Variants in PTPRS observed in about 807,000 individuals in gnomAD.
PTPRS encodes protein tyrosine phosphatase receptor type S, also known as receptor-type tyrosine-protein phosphatase S.
Under a neutral mutation model 215.3 loss-of-function variants are expected in PTPRS, and 63 were observed. The ratio of observed to expected loss-of-function variants is 0.29; its 90% CI spans 0.24 to 0.36. The LOEUF (loss-of-function observed/expected upper bound fraction) is 0.36. Among genes scored for constraint, PTPRS ranks in the 10% least tolerant of loss-of-function variants. The pLI, the probability that PTPRS is intolerant of heterozygous loss-of-function variation, is 1.00. For missense variants in PTPRS, 2,258 were observed against 2,825.8 expected (o/e 0.80, Z 4.56); for synonymous variants, 1,404 against 1,191.4 (o/e 1.18, Z -3.68).
chr19:5,311,914 C>A (rs192962130), intron 1 of PTPRS, among the ~76,000 whole-genome samples: 2,060 of 152,178 alleles, frequency 0.014, 55 homozygotes, highest in African/African-American at 0.047. Flanking sequence ...GTGGCAGGCA[C>A]CTGTAGTCCC....
At chr19:5,291,241 C>G (rs2048791270) in intron 1 of PTPRS, among the ~76,000 whole-genome samples, 1 of 152,170 alleles carries the variant, frequency 6.6e-6, no homozygotes, top group Non-Finnish European at 1.5e-5. Context: ...TTAAAGTCCA[C>G]TGGGTGCCTC....
Position 5,228,345 on chromosome 19 carries a change from G to GAAAA in PTPRS, c.2376+970_2376+971insTTTT, listed in dbSNP as rs1491502602. Reference sequence around the variant, plus strand: ...GGGCGATAGTGTGAGACTCCGTCTGGAGAAAAAAAAAAAAAAAAGAGACAG... The same window carrying GAAAA: ...GGGCGATAGTGTGAGACTCCGTCTGGAAAAAGAAAAAAAAAAAAAAAAGAGACAG... On this transcript the variant is annotated intron_variant, in intron 16 of 37. Coordinates refer to ENST00000262963, the MANE Select transcript of PTPRS (RefSeq NM_002850.4). Among the ~76,000 whole-genome samples, 62 of 33,262 alleles carry GAAAA rather than the reference G, an allele frequency of 1.9e-3. 2 individuals are homozygous for GAAAA. The highest frequency in any genetic ancestry group is 5.6e-3 in the African/African-American group (59 of 10,510). 21.8% of individuals were successfully genotyped at this position (33,262 alleles called of 152,430 possible).
At chr19:5,309,092 G>C (rs911470733) in intron 1 of PTPRS, among the ~76,000 whole-genome samples, 23 of 152,140 alleles carry the variant, frequency 1.5e-4, no homozygotes, top group African/African-American at 5.3e-4. Flanking sequence ...GGGAACTGAG[G>C]GGAGCCTGGA....
At chr19:5,327,557 C>T (rs2050203156) in intron 1 of PTPRS, among the ~76,000 whole-genome samples, 3 of 152,152 alleles carry the variant, frequency 2.0e-5, no homozygotes, top group Non-Finnish European at 4.4e-5. Context: ...ACTTCTCCAC[C>T]TGTCTGGCCA....
intron 1 of PTPRS, among the ~76,000 whole-genome samples, chr19:5,314,563 T>A (rs942757887): frequency 1.3e-4 from 20 of 150,928 alleles, no homozygotes; most frequent in African/African-American, 4.8e-4. Context: ...AAAAAAAAAT[T>A]TTTTTTTTTT....
rs936797990 is a variant in PTPRS, at chr19:5,287,087, C to A, written c.-94-853G>T. Among the ~76,000 whole-genome samples, 1 of 152,150 alleles carries A rather than the reference C, an allele frequency of 6.6e-6. No individual in the cohort carries two copies. The highest frequency in any genetic ancestry group is 1.9e-4 in the East Asian group (1 of 5,182). ...GGCTCCCAGAGCCCCCAGGGGAAGC[C>A]ACTCTTGCTGACTTCACTGTTTCCT... On this transcript the variant is annotated intron_variant, in intron 1 of 37. Coordinates refer to ENST00000262963, the MANE Select transcript of PTPRS (RefSeq NM_002850.4). The surrounding 1 kb of genome is among the most constrained non-coding windows in gnomAD (Gnocchi z 4.8).
chr19:5,297,327 A>G (rs2049166316), intron 1 of PTPRS, among the ~76,000 whole-genome samples: 1 of 152,222 alleles, frequency 6.6e-6, no homozygotes, highest in Admixed American at 6.5e-5. Context: ...AGCATAAAGA[A>G]GAAAATAAAA....
chr19:5,250,214 T>C (rs920438994), intron 9 of PTPRS, among the ~76,000 whole-genome samples: 1 of 152,188 alleles, frequency 6.6e-6, no homozygotes, highest in African/African-American at 2.4e-5. Context: ...AAGGGTGTGC[T>C]CTAGGAAGAG....
At position 5,212,180 on chromosome 19, in the gene PTPRS, T is replaced by C; in HGVS notation, c.4840A>G (p.Thr1614Ala). 4 of 1,614,022 alleles carry C rather than the reference T, an allele frequency of 2.5e-6. No individual in the cohort carries two copies. Among genetic ancestry groups the C allele is most frequent in the East Asian group, 2.2e-5 (1 of 44,888 alleles). Residue 1614 changes from threonine to alanine, a missense_variant, in exon 32 of 38, where the codon ACA becomes GCA. Coordinates refer to ENST00000262963, the MANE Select transcript of PTPRS (RefSeq NM_002850.4). ...AMLERIKPEK[T>A]VDVYGHVTLM... ...GTCACGTGGCCATAGACATCGACTG[T>C]CTTCTCTGGCTTGATCCGCTCAAGC... is the stretch of plus-strand genomic sequence containing the variant.
intron 23 of PTPRS, chr19:5,219,057 C>T: frequency 1.6e-6 from 1 of 638,504 alleles, no homozygotes; most frequent in Non-Finnish European, 2.7e-6. Context: ...ACACAGGCAG[C>T]CTCTACCCCA....
intron 30 of PTPRS, 122 bp from the exon 31 acceptor site, chr19:5,212,613 G>A (rs1489008500): frequency 8.4e-7 from 1 of 1,186,414 alleles, no homozygotes; most frequent in Non-Finnish European, 1.2e-6. Context: ...GGAGGCCGAG[G>A]TGGGCGGATC....
chr19:5,337,517 G>A (rs2050544263), intron 1 of PTPRS, among the ~76,000 whole-genome samples: 1 of 152,204 alleles, frequency 6.6e-6, no homozygotes, highest in Non-Finnish European at 1.5e-5. Flanking sequence ...GGTGTGCGCT[G>A]CCCTCAGACA....
rs1339237851 is a variant in PTPRS at position 5,295,418 on chromosome 19, G to A, written c.-94-9184C>T. Among the ~76,000 whole-genome samples the A allele has an allele frequency of 1.3e-5, 2 of 152,316 alleles. No homozygotes were observed. Among genetic ancestry groups the A allele is most frequent in the South Asian group, 2.1e-4 (1 of 4,832 alleles). On this transcript the variant is annotated intron_variant, in intron 1 of 37. Transcript: ENST00000262963. The surrounding 1 kb of genome is among the most constrained non-coding windows in gnomAD (Gnocchi z 4.6). ...CTATTCCACAGTGGTGACTGCAGTTGGCAGGGGACACAGCCACCCCCGAGG... is the reference window on the plus strand; with the variant it reads ...CTATTCCACAGTGGTGACTGCAGTTAGCAGGGGACACAGCCACCCCCGAGG...
intron 1 of PTPRS, among the ~76,000 whole-genome samples, chr19:5,309,895 A>C (rs1039844150): frequency 6.6e-6 from 1 of 151,768 alleles, no homozygotes; most frequent in Non-Finnish European, 1.5e-5. Flanking sequence ...TCCTTTCTGC[A>C]ACAGCCAGGG....
In PTPRS at chr19:5,274,343, C is replaced by T. The variant is rs536488795; in HGVS notation, c.93G>A (p.Glu31=). ...TGGGTTCTTTGATAAACCTGGGGGG[C>T]TCTGGGGATACAGTGGAAAGAAGGG... ...VLLVGGCAAE[E]PPRFIKEPKD... Residue 31 remains glutamate (E), a splice_region_variant and synonymous_variant, in exon 3 of 38, where the codon GAG becomes GAA. Coordinates refer to ENST00000262963, the MANE Select transcript of PTPRS (RefSeq NM_002850.4). 203 of 1,608,700 alleles carry T rather than the reference C, an allele frequency of 1.3e-4. 1 individual carries two copies. The highest frequency in any genetic ancestry group is 1.6e-4 in the Non-Finnish European group (188 of 1,176,622).
At position 5,223,096 on chromosome 19, in the gene PTPRS, GCC is replaced by G; in HGVS notation, c.2694_2695del (p.Ala899HisfsTer83). 6.4e-7 allele frequency: 1 copy of G among 1,563,364 alleles called. No individual in the cohort carries two copies. The highest frequency in any genetic ancestry group is 8.7e-7 in the Non-Finnish European group (1 of 1,154,446). Reference sequence around the variant, plus strand: ...GGCCGCAAGCCGGAACACATACGTGGCCCCCTTGTGCACGCCTGATGCCGTGT... The same window carrying G: ...GGCCGCAAGCCGGAACACATACGTGGCCCTTGTGCACGCCTGATGCCGTGT... On this transcript the variant is annotated frameshift_variant, in exon 18 of 38. Transcript: ENST00000262963. LOFTEE classifies it high-confidence loss of function.
At chr19:5,326,847 A>AAAGG (rs1568618590) in intron 1 of PTPRS, among the ~76,000 whole-genome samples, 7 of 152,002 alleles carry the variant, frequency 4.6e-5, no homozygotes, top group Admixed American at 6.6e-5. Flanking sequence ...AAAGAAAGAA[A>AAAGG]AAGGAAGGAA....
chr19:5,268,310 G>A (rs1056413767), intron 4 of PTPRS, among the ~76,000 whole-genome samples: 3 of 152,118 alleles, frequency 2.0e-5, no homozygotes, highest in African/African-American at 4.8e-5. Context: ...CCAGCCTGTA[G>A]AGCCAAAAAT....
chr19:5,205,972 C>CA lies in PTPRS; in HGVS notation c.*801dup, dbSNP rs2040333013. Reference sequence around the variant, plus strand: ...GAAAATTTAATTTATAAAAATGAAACAAAAAGGGGGAAAAAAAAAGCCAAG... The same window carrying CA: ...GAAAATTTAATTTATAAAAATGAAACAAAAAAGGGGGAAAAAAAAAGCCAAG... On this transcript the variant is annotated 3_prime_UTR_variant, in exon 38 of 38. Coordinates refer to ENST00000262963, the MANE Select transcript of PTPRS (RefSeq NM_002850.4). Among the ~76,000 whole-genome samples, 1 of 119,764 alleles carries CA rather than the reference C, an allele frequency of 8.3e-6. No homozygotes were observed. The highest frequency in any genetic ancestry group is 1.8e-5 in the Non-Finnish European group (1 of 56,808). The allele number at this position is 119,764 out of a possible 152,430, so 78.6% of individuals were successfully genotyped here.
Sources: allele counts gnomAD v4.1 joint callset (sites outside exome capture counted in the v4.1 genomes callset), GRCh38; gene constraint gnomAD v4.1.1; non-coding constraint Gnocchi (gnomAD v3.1); transcripts MANE v1.5; gene names NCBI Gene and HGNC (gene_info 2026-07-23, HGNC 2026-07-21).